CFAP61: variants seen among roughly 807,000 people sequenced by gnomAD.
The protein encoded by CFAP61 is cilia and flagella associated protein 61, also known as cilia- and flagella-associated protein 61.
In CFAP61, 107 loss-of-function variants were observed where a neutral mutation model predicts 135.6. That is an observed-to-expected ratio of 0.79 (90% CI 0.67 to 0.93). The LOEUF (loss-of-function observed/expected upper bound fraction) is 0.93, where lower values mean the gene tolerates loss of function less well. CFAP61 is among the 40% of genes least tolerant of loss of function. The probability of loss-of-function intolerance (pLI) is 0.00; values close to 1 mark genes in which losing one functional copy is unlikely to be tolerated. For synonymous variants in CFAP61, 575 were observed against 578.5 expected (o/e 0.99, Z 0.09); for missense variants, 1,507 against 1,556.2 (o/e 0.97, Z 0.53).
chr20:20,257,209 T>A (rs2051682704), intron 20 of CFAP61, among the ~76,000 whole-genome samples: 1 of 152,210 alleles, frequency 6.6e-6, no homozygotes, highest in Non-Finnish European at 1.5e-5. Context: ...CCTAAATCTC[T>A]CATATTTGAA....
chr20:20,262,478 A>G (rs960851178), intron 20 of CFAP61, among the ~76,000 whole-genome samples: 1 of 152,230 alleles, frequency 6.6e-6, no homozygotes, highest in Non-Finnish European at 1.5e-5. Flanking sequence ...AATCATGACA[A>G]TTTGTTGTCA....
chr20:20,164,734 C>A (rs1355897370), intron 11 of CFAP61, among the ~76,000 whole-genome samples: 3 of 152,134 alleles, frequency 2.0e-5, no homozygotes, highest in Non-Finnish European at 4.4e-5. Flanking sequence ...TCTACCTCTT[C>A]ACCCTGTGTG....
chr20:20,297,913 G>C (rs1041284100), intron 24 of CFAP61, among the ~76,000 whole-genome samples: 1 of 152,194 alleles, frequency 6.6e-6, no homozygotes, highest in Non-Finnish European at 1.5e-5. Context: ...TATTAATAAA[G>C]GGTTGGTTGT....
At chr20:20,112,958 G>A (rs996479477) in intron 8 of CFAP61, among the ~76,000 whole-genome samples, 1 of 152,038 alleles carries the variant, frequency 6.6e-6, no homozygotes, top group Non-Finnish European at 1.5e-5. Flanking sequence ...TTTTCATTGG[G>A]TGTGATTATT....
chr20:20,202,583 T>C (rs1003294818), intron 17 of CFAP61, among the ~76,000 whole-genome samples: 1 of 152,224 alleles, frequency 6.6e-6, no homozygotes, highest in Non-Finnish European at 1.5e-5. Flanking sequence ...TTTAGAGTGA[T>C]TATCTGACAC....
intron 13 of CFAP61, 55 bp from the exon 14 acceptor site, chr20:20,187,875 G>A: frequency 4.4e-6 from 6 of 1,369,694 alleles, no homozygotes; most frequent in Non-Finnish European, 6.2e-6. Context: ...TCTCCATTTG[G>A]GGGGAATACA....
intron 1 of CFAP61, chr20:20,055,955 G>A (rs1198146361): frequency 1.9e-6 from 3 of 1,608,730 alleles, no homozygotes; most frequent in African/African-American, 1.3e-5. Context: ...TACTGTTTTT[G>A]TCAACAGCAT....
intron 13 of CFAP61, among the ~76,000 whole-genome samples, chr20:20,185,935 C>T (rs905165120): frequency 6.6e-6 from 1 of 152,074 alleles, no homozygotes; most frequent in African/African-American, 2.4e-5. Context: ...ATAGCTATGC[C>T]AGCTTATTTT....
chr20:20,193,067 T>A (rs553297195), intron 15 of CFAP61, among the ~76,000 whole-genome samples: 33 of 152,152 alleles, frequency 2.2e-4, no homozygotes, highest in Non-Finnish European at 4.4e-4. Context: ...GGATGACAGG[T>A]ACTGTCCTGG....
chr20:20,298,260 C>A lies in CFAP61; in HGVS notation c.3296C>A (p.Thr1099Asn). The A allele has an allele frequency of 6.2e-7, 1 of 1,614,042 alleles. No homozygotes were observed. The highest frequency in any genetic ancestry group is 1.6e-4 in the Middle Eastern group (1 of 6,062). ...ATTAACAAGTATAAAATGGTGGAAA[C>A]CATCACGTGCCTTTCTAGGGAGCCC... is the stretch of plus-strand genomic sequence containing the variant. ...IHINKYKMVE[T>N]ITCLSREPFP... The change falls in exon 25 of 27, where the codon ACC (threonine) becomes AAC (asparagine). Residue 1099 changes from threonine (T) to asparagine (N), a missense_variant. Thr to Asn is a moderately conservative substitution (Grantham distance 65). Coordinates refer to ENST00000245957, the MANE Select transcript of CFAP61 (RefSeq NM_015585.4).
At chr20:20,171,979 G>C in intron 13 of CFAP61, 1 of 455,506 alleles carries the variant, frequency 2.2e-6, no homozygotes, top group Non-Finnish European at 3.9e-6. Context: ...TCCTCTTAGG[G>C]GACATGAATC....
At chr20:20,277,574 G>GT in intron 22 of CFAP61, 116 bp downstream of exon 22, 1 of 1,155,314 alleles carries the variant, frequency 8.7e-7, no homozygotes, top group Non-Finnish European at 1.2e-6. Flanking sequence ...GTTGGATTTT[G>GT]TTTTCTGTGT....
intron 25 of CFAP61, among the ~76,000 whole-genome samples, chr20:20,337,784 G>A (rs2058294320): frequency 1.3e-5 from 2 of 152,104 alleles, no homozygotes; most frequent in Non-Finnish European, 2.9e-5. Context: ...TTACAATCCT[G>A]CCTGCCTCTC....
At chr20:20,290,463 A>C (rs2054917934) in intron 24 of CFAP61, 72 bp downstream of exon 24, 1 of 1,023,192 alleles carries the variant, frequency 9.8e-7, no homozygotes. Context: ...GAAATTCTTT[A>C]CTTGGAGTCT....
chr20:20,241,033 A>C (rs2049985241), intron 18 of CFAP61, among the ~76,000 whole-genome samples: 1 of 152,268 alleles, frequency 6.6e-6, no homozygotes, highest in African/African-American at 2.4e-5. Flanking sequence ...TCAGCACGAA[A>C]CTGGTGATGT....
chr20:20,277,373 C>A lies in CFAP61; in HGVS notation c.2711C>A (p.Ala904Asp), dbSNP rs1288445014. Residue 904 changes from alanine to aspartate, a missense_variant, in exon 22 of 27, where the codon GCC (alanine) becomes GAC (aspartate). By Grantham distance (126) the Ala-to-Asp change is moderately radical. Transcript: ENST00000245957. ...GVTMYRDAILAQWNDGLHPDP... is the reference protein window; with the variant it reads ...GVTMYRDAILDQWNDGLHPDP... ...ACTATGTACCGGGATGCGATCCTGG[C>A]CCAGTGGAATGACGGCCTGCACCCA... 1.9e-6 allele frequency: 3 copies of A among 1,614,026 alleles called. No homozygotes were observed. The African/African-American group carries it at 4.0e-5, about 22-fold the overall frequency.
In CFAP61 at chr20:20,311,132, A is replaced by G. The variant is rs375834983; in HGVS notation, c.3422+12746A>G. ...TGAGTGTGGCTGGCTGAAACAGTCT[A>G]CAGTATCTCTCATAGCTAACTAATC... On this transcript the variant is annotated intron_variant, in intron 25 of 26. Transcript: ENST00000245957. Among the ~76,000 whole-genome samples the G allele has an allele frequency of 1.6e-4, 24 of 152,288 alleles. 1 individual carries two copies. In the East Asian group the frequency reaches 3.1e-3, roughly 20 times the overall value.
At chr20:20,059,022 G>A (rs1465406727) in intron 2 of CFAP61, among the ~76,000 whole-genome samples, 1 of 151,968 alleles carries the variant, frequency 6.6e-6, no homozygotes, top group Admixed American at 6.6e-5. Context: ...AAATAAAAAA[G>A]GTAGGTTTAA....
chr20:20,348,603 T>A (rs1294961336), intron 26 of CFAP61, among the ~76,000 whole-genome samples: 1 of 145,100 alleles, frequency 6.9e-6, no homozygotes, highest in Non-Finnish European at 1.5e-5. Flanking sequence ...GGCAGGAGAA[T>A]CTCATGAACC....
Sources: allele counts gnomAD v4.1 joint callset (sites outside exome capture counted in the v4.1 genomes callset), GRCh38; gene constraint gnomAD v4.1.1; transcripts MANE v1.5; gene names NCBI Gene and HGNC (gene_info 2026-07-23, HGNC 2026-07-21).